CACNG4: variants seen among roughly 807,000 people sequenced by gnomAD.
CACNG4 encodes calcium voltage-gated channel auxiliary subunit gamma 4.
In CACNG4, 8 loss-of-function variants were observed where a neutral mutation model predicts 22.9. That is an observed-to-expected ratio of 0.35 (90% CI 0.21 to 0.63). The LOEUF is 0.63. Ranked by LOEUF, CACNG4 falls within the 30% of genes least tolerant of loss-of-function variation. The pLI, the probability that CACNG4 is intolerant of heterozygous loss-of-function variation, is 0.72. For synonymous variants in CACNG4, 188 were observed against 191.9 expected, an observed-to-expected ratio of 0.98 and a Z score of 0.17; for missense variants, 357 against 455.4, an observed-to-expected ratio of 0.78 and a Z score of 1.97.
intron 1 of CACNG4, among the ~76,000 whole-genome samples, chr17:66,981,682 A>G (rs1157634916): frequency 6.6e-6 from 1 of 152,220 alleles, no homozygotes; most frequent in African/African-American, 2.4e-5. Flanking sequence ...CCTCCGCCCT[A>G]GCTGCTTATC....
At chr17:66,985,837 G>A (rs1231967886) in intron 1 of CACNG4, among the ~76,000 whole-genome samples, 1 of 152,142 alleles carries the variant, frequency 6.6e-6, no homozygotes, top group African/African-American at 2.4e-5. Flanking sequence ...AGCACAGAGT[G>A]GGAAGAGGAA....
At chr17:67,012,310 C>CTCTT (rs1427242266) in intron 1 of CACNG4, among the ~76,000 whole-genome samples, 1 of 152,206 alleles carries the variant, frequency 6.6e-6, no homozygotes, top group Admixed American at 6.5e-5. Context: ...ATCTCTAAGC[C>CTCTT]TCTTTCTCCA....
chr17:67,016,903 C>A (rs898160158), intron 1 of CACNG4, among the ~76,000 whole-genome samples: 17 of 151,920 alleles, frequency 1.1e-4, no homozygotes, highest in African/African-American at 4.1e-4. Context: ...GGGGTCTGGC[C>A]CCCCACCCCA....
rs2035575928 is a variant in CACNG4 at position 67,027,630 on chromosome 17, AT to A, written c.445+2631del. ...AGACTTCTCTGGGAAACTGGAATTC[AT>A]GGAGTTGTTATTTAAGAAACCCTTT... On this transcript the variant is annotated intron_variant, in intron 3 of 3. Coordinates refer to ENST00000262138, the MANE Select transcript of CACNG4 (RefSeq NM_014405.4). This position sits in a 1 kb window ranked among gnomAD's most constrained non-coding sequence, Gnocchi z 4.3. Among the ~76,000 whole-genome samples the A allele has an allele frequency of 6.6e-6, 1 of 152,238 alleles. No individual in the cohort carries two copies. The highest frequency in any genetic ancestry group is 2.1e-4 in the South Asian group (1 of 4,832).
intron 1 of CACNG4, among the ~76,000 whole-genome samples, chr17:66,985,764 G>A (rs1209107823): frequency 1.3e-5 from 2 of 152,154 alleles, no homozygotes; most frequent in Non-Finnish European, 2.9e-5. Flanking sequence ...GGAGACAGAG[G>A]GACGGCCATC....
chr17:66,983,679 T>G (rs368275437), intron 1 of CACNG4, among the ~76,000 whole-genome samples: 40 of 152,250 alleles, frequency 2.6e-4, no homozygotes, highest in African/African-American at 9.6e-4. Flanking sequence ...GCAAAGAAGG[T>G]GAAAATCATT....
chr17:67,026,550 G>A (rs1321926841), intron 3 of CACNG4, among the ~76,000 whole-genome samples: 7 of 149,314 alleles, frequency 4.7e-5, no homozygotes, highest in Admixed American at 4.7e-4. Flanking sequence ...TGTATTTGAG[G>A]ACTGTGGTGT....
At chr17:66,972,754 C>T (rs56856730) in intron 1 of CACNG4, among the ~76,000 whole-genome samples, 24,785 of 151,498 alleles carry the variant, frequency 0.16, 2,654 homozygotes, top group African/African-American at 0.3. Flanking sequence ...GGTGAAACCC[C>T]GTCTCCGCTA....
intron 1 of CACNG4, among the ~76,000 whole-genome samples, chr17:66,989,536 C>G (rs555945411): frequency 6.6e-6 from 1 of 151,480 alleles, no homozygotes; most frequent in African/African-American, 2.4e-5. Flanking sequence ...GCCCCCAGAA[C>G]CATTCGAGGA....
At chr17:66,982,349 A>T (rs2035281823) in intron 1 of CACNG4, among the ~76,000 whole-genome samples, 1 of 152,156 alleles carries the variant, frequency 6.6e-6, no homozygotes. Flanking sequence ...CAGAGTGCTG[A>T]CTGGTCCATT....
chr17:66,968,527 G>C (rs1199111861), intron 1 of CACNG4, among the ~76,000 whole-genome samples: 9 of 21,074 alleles, frequency 4.3e-4, no homozygotes, highest in South Asian at 3.9e-3. Context: ...CTCCTCCTCT[G>C]CCTCCTCTCC....
intron 2 of CACNG4, among the ~76,000 whole-genome samples, chr17:67,023,725 C>T (rs1230147229): frequency 6.6e-6 from 1 of 152,034 alleles, no homozygotes; most frequent in Non-Finnish European, 1.5e-5. Context: ...GAGCCCACCA[C>T]CATGCCCGGC....
intron 3 of CACNG4, among the ~76,000 whole-genome samples, chr17:67,028,469 C>T (rs1052935208): frequency 6.6e-6 from 1 of 151,882 alleles, no homozygotes; most frequent in Non-Finnish European, 1.5e-5. Flanking sequence ...AGGAGAATGG[C>T]GTGAACCCGG....
chr17:66,979,151 T>C (rs1387409609), intron 1 of CACNG4, among the ~76,000 whole-genome samples: 4 of 152,230 alleles, frequency 2.6e-5, no homozygotes, highest in Non-Finnish European at 4.4e-5. Flanking sequence ...TGTGTGAGCA[T>C]CCTCTGCAAC....
At chr17:66,988,531 G>A (rs561137035) in intron 1 of CACNG4, among the ~76,000 whole-genome samples, 2 of 149,776 alleles carry the variant, frequency 1.3e-5, no homozygotes, top group East Asian at 2.1e-4. Flanking sequence ...GGGCCTCCCC[G>A]CCCATCCCCA....
At chr17:66,965,466 G>A (rs1373153991) in intron 1 of CACNG4, among the ~76,000 whole-genome samples, 1 of 151,264 alleles carries the variant, frequency 6.6e-6, no homozygotes, top group African/African-American at 2.4e-5. Context: ...CGCGTAGCCC[G>A]GGACCCGAGC....
rs1013009364 is a variant in CACNG4 at position 67,027,891 on chromosome 17, G to A, written c.446-2575G>A. ...AAAAATTAGCTGGGTTTGGTGGCAG[G>A]TGCCTGTAATCCCAGCTACTTGGGA... On this transcript the variant is annotated intron_variant, in intron 3 of 3. Coordinates refer to ENST00000262138, the MANE Select transcript of CACNG4 (RefSeq NM_014405.4). This position sits in a 1 kb window ranked among gnomAD's most constrained non-coding sequence, Gnocchi z 4.3. Among the ~76,000 whole-genome samples the A allele has an allele frequency of 6.6e-6, 1 of 152,018 alleles. No homozygotes were observed. Among genetic ancestry groups the A allele is most frequent in the Non-Finnish European group, 1.5e-5 (1 of 68,006 alleles).
intron 1 of CACNG4, among the ~76,000 whole-genome samples, chr17:66,973,592 G>A (rs3785600): frequency 0.097 from 14,700 of 152,228 alleles, 830 homozygotes; most frequent in South Asian, 0.17. Context: ...CACAGCCACC[G>A]TAGCGTGCGG....
chr17:67,030,779 G>T lies in CACNG4; in HGVS notation c.759G>T (p.Ser253=). The T allele has an allele frequency of 6.2e-7, 1 of 1,614,132 alleles. No homozygotes were observed. Among genetic ancestry groups the T allele is most frequent in the African/African-American group, 1.3e-5 (1 of 75,046 alleles). The change falls in exon 4 of 4, where the codon TCG becomes TCT. Residue 253 remains serine (S), a synonymous_variant. Transcript: ENST00000262138. The surrounding 1 kb of genome is among the most constrained non-coding windows in gnomAD (Gnocchi z 6.4). ...CCAGCTCAAGGTCCACCGAGGCCTCGCCCTCCAGGGACGTGTCGCCCATGG... is the reference window on the plus strand; with the variant it reads ...CCAGCTCAAGGTCCACCGAGGCCTCTCCCTCCAGGGACGTGTCGCCCATGG... ...SRSSSRSTEA[S]PSRDVSPMGL...
Sources: gnomAD v4.1 joint callset for allele counts (sites outside exome capture counted in the v4.1 genomes callset) on GRCh38, gnomAD v4.1.1 for gene constraint, Gnocchi (gnomAD v3.1) non-coding constraint, MANE v1.5 for transcripts, NCBI Gene and HGNC (gene_info 2026-07-23, HGNC 2026-07-21) for gene names.